CEP192: variants seen among roughly 807,000 people sequenced by gnomAD.
CEP192 encodes centrosomal protein 192, also known as centrosomal protein of 192 kDa.
In CEP192, 151 loss-of-function variants were observed where a neutral mutation model predicts 271.8. That is an observed-to-expected ratio of 0.56 (90% CI 0.49 to 0.64). The LOEUF (loss-of-function observed/expected upper bound fraction) is 0.64, where lower values mean the gene tolerates loss of function less well. CEP192 is among the 30% of genes least tolerant of loss of function. The probability of loss-of-function intolerance (pLI) is 0.00; values close to 1 mark genes in which losing one functional copy is unlikely to be tolerated. For synonymous variants in CEP192, 995 were observed against 1,076.5 expected (o/e 0.92, Z 1.48); for missense variants, 2,910 against 3,020.5 (o/e 0.96, Z 0.86).
intron 42 of CEP192, among the ~76,000 whole-genome samples, chr18:13,115,891 G>A (rs1208641915): frequency 6.6e-6 from 1 of 152,144 alleles, no homozygotes; most frequent in African/African-American, 2.4e-5. Flanking sequence ...AGAGAGTTGG[G>A]GGTGGAGGGG....
At chr18:13,047,360 T>TACAC (rs35070042) in intron 15 of CEP192, among the ~76,000 whole-genome samples, 1,658 of 150,840 alleles carry the variant, frequency 0.011, 20 homozygotes, top group African/African-American at 0.034. Context: ...CCCTCAAACA[T>TACAC]ACACACACAC....
intron 17 of CEP192, among the ~76,000 whole-genome samples, chr18:13,051,823 G>A (rs1436342365): frequency 5.3e-5 from 8 of 152,206 alleles, no homozygotes; most frequent in African/African-American, 1.4e-4. Context: ...GATTACAGGC[G>A]TGAGCCAACG....
chr18:13,008,149 T>C (rs895473424), intron 3 of CEP192, among the ~76,000 whole-genome samples: 2 of 152,208 alleles, frequency 1.3e-5, no homozygotes, highest in Admixed American at 1.3e-4. Context: ...CTGAATTATG[T>C]AGATTGGTAG....
chr18:13,105,027 C>G lies in CEP192; in HGVS notation c.6995C>G (p.Ala2332Gly). 1 of 1,614,100 alleles carries G rather than the reference C, an allele frequency of 6.2e-7. No homozygotes were observed. The highest frequency in any genetic ancestry group is 1.1e-5 in the South Asian group (1 of 91,076). The change falls in exon 40 of 45, where the codon GCA becomes GGA. Residue 2332 changes from alanine (A) to glycine (G), a missense_variant. Ala to Gly is a moderately conservative substitution (Grantham distance 60). Coordinates refer to ENST00000506447, the MANE Select transcript of CEP192 (RefSeq NM_032142.4). ...SGDVFRATYA[A>G]FRCSPISGLL... is the part of the protein sequence containing the mutation. ...GATGTTTTTAGAGCTACCTATGCAG[C>G]ATTCAGATGTTCTCCTATTTCTGGT...
At chr18:13,079,079 T>C (rs2038447990) in intron 30 of CEP192, among the ~76,000 whole-genome samples, 1 of 152,162 alleles carries the variant, frequency 6.6e-6, no homozygotes, top group South Asian at 2.1e-4. Context: ...CTATTGTGAA[T>C]AGTGCCGCAA....
At chr18:13,096,041 A>T in intron 35 of CEP192, 143 bp from the exon 36 acceptor site, 2 of 833,122 alleles carry the variant, frequency 2.4e-6, no homozygotes, top group East Asian at 2.7e-5. Context: ...ACTACCAAGG[A>T]TTGGAAATTT....
At chr18:13,103,938 C>T (rs1278624962) in intron 39 of CEP192, 6 of 453,754 alleles carry the variant, frequency 1.3e-5, no homozygotes, top group Non-Finnish European at 2.6e-5. Flanking sequence ...AATCTTCCCA[C>T]CTCAGCCTCC....
rs1209568756 is a variant in CEP192 at position 13,049,193 on chromosome 18, CAA to C, written c.2403_2404del (p.Arg802GlyfsTer2). On this transcript the variant is annotated frameshift_variant, in exon 16 of 45. Coordinates refer to ENST00000506447, the MANE Select transcript of CEP192 (RefSeq NM_032142.4). LOFTEE classifies it high-confidence loss of function. ...TATGAAAGTGCATTGGAAAACTTTTCAAGGGCTAGTATGTCTGATACTTGGGA... is the reference window on the plus strand; with the variant it reads ...TATGAAAGTGCATTGGAAAACTTTTCGGGCTAGTATGTCTGATACTTGGGA... The C allele has an allele frequency of 6.2e-7, 1 of 1,613,844 alleles. No individual in the cohort carries two copies. Among genetic ancestry groups the C allele is most frequent in the Non-Finnish European group, 8.5e-7 (1 of 1,179,998 alleles).
chr18:13,001,270 G>T (rs1353224381), intron 2 of CEP192, among the ~76,000 whole-genome samples, 187 bp from the exon 3 acceptor site: 1 of 152,212 alleles, frequency 6.6e-6, no homozygotes, highest in Non-Finnish European at 1.5e-5. Flanking sequence ...GTTGAATACA[G>T]ATAAACTCCC....
Position 13,124,706 on chromosome 18 carries a change from T to C in CEP192, c.7550T>C (p.Ile2517Thr), listed in dbSNP as rs184150652. The C allele has an allele frequency of 2.5e-6, 4 of 1,614,086 alleles. No homozygotes were observed. In the Admixed American group the frequency reaches 5.0e-5, roughly 20 times the overall value. The change falls in exon 45 of 45, where the codon ATT becomes ACT. Residue 2517 changes from isoleucine (I) to threonine (T), a missense_variant. Ile to Thr is a moderately conservative substitution (Grantham distance 89). Coordinates refer to ENST00000506447, the MANE Select transcript of CEP192 (RefSeq NM_032142.4). The part of the protein sequence containing the change: ...SAGKFEALLV[I>T]QTDEGKSIAI... ...GGCAAATTTGAAGCTTTGCTTGTCA[T>C]TCAAACAGATGAAGGCAAGAGTATT... is the stretch of plus-strand genomic sequence containing the variant.
At chr18:13,018,457 C>T (rs1458456778) in intron 7 of CEP192, 23 bp from the exon 8 acceptor site, 3 of 1,437,262 alleles carry the variant, frequency 2.1e-6, no homozygotes, top group South Asian at 1.4e-5. Context: ...AAGATTAATA[C>T]AGCTAAGATA....
At chr18:13,034,856 C>T (rs1179554948) in intron 11 of CEP192, among the ~76,000 whole-genome samples, 1 of 150,444 alleles carries the variant, frequency 6.6e-6, no homozygotes, top group Non-Finnish European at 1.5e-5. Flanking sequence ...TCCTCTTCTT[C>T]CCCATGCCTG....
chr18:13,017,388 A>G (rs919242880), intron 7 of CEP192, 52 bp downstream of exon 7: 38 of 1,347,284 alleles, frequency 2.8e-5, no homozygotes, highest in Middle Eastern at 2.0e-4. Context: ...GAAAATTACT[A>G]TTGGTCTCCT....
At chr18:13,048,127 C>T (rs965240334) in intron 15 of CEP192, among the ~76,000 whole-genome samples, 2 of 152,282 alleles carry the variant, frequency 1.3e-5, no homozygotes, top group Admixed American at 6.5e-5. Flanking sequence ...GTTTTGCCTC[C>T]TTCAGTTTTA....
At chr18:13,079,112 T>C (rs2038450686) in intron 30 of CEP192, among the ~76,000 whole-genome samples, 1 of 152,248 alleles carries the variant, frequency 6.6e-6, no homozygotes, top group Non-Finnish European at 1.5e-5. Context: ...TGCATGTGTC[T>C]TTATAGTAGC....
intron 3 of CEP192, among the ~76,000 whole-genome samples, chr18:13,002,202 C>T (rs886523111): frequency 6.6e-6 from 1 of 152,080 alleles, no homozygotes; most frequent in Non-Finnish European, 1.5e-5. Flanking sequence ...GTCTTCCATA[C>T]TATTTTGTAT....
intron 37 of CEP192, 72 bp downstream of exon 37, chr18:13,099,653 A>G (rs576118567): frequency 1.5e-5 from 11 of 710,456 alleles, no homozygotes; most frequent in South Asian, 4.0e-5. Flanking sequence ...TATAATCCTT[A>G]TTAGCACTTA....
intron 39 of CEP192, 128 bp downstream of exon 39, chr18:13,103,716 A>C: frequency 3.7e-6 from 3 of 817,256 alleles, no homozygotes; most frequent in Non-Finnish European, 6.2e-6. Context: ...GAGACAAAAA[A>C]GTCTTGCTCT....
chr18:13,011,052 C>T lies in CEP192; in HGVS notation c.467-1921C>T, dbSNP rs190503297. Reference sequence around the variant, plus strand: ...GACCAGCCTGGCCAACATGGTGAACCCCTGCCTCTACTAAAACTACAAAAA... The same window carrying T: ...GACCAGCCTGGCCAACATGGTGAACTCCTGCCTCTACTAAAACTACAAAAA... On this transcript the variant is annotated intron_variant, in intron 4 of 44. Transcript: ENST00000506447. Among the ~76,000 whole-genome samples, 609 of 151,748 alleles carry T rather than the reference C, an allele frequency of 4.0e-3. 9 individuals are homozygous for T. Among genetic ancestry groups the T allele is most frequent in the South Asian group, 0.016 (79 of 4,812 alleles).
Sources: gnomAD v4.1 joint callset for allele counts (sites outside exome capture counted in the v4.1 genomes callset) on GRCh38, gnomAD v4.1.1 for gene constraint, MANE v1.5 for transcripts, NCBI Gene and HGNC (gene_info 2026-07-23, HGNC 2026-07-21) for gene names.